SPATA16: variants seen among roughly 807,000 people sequenced by gnomAD.
The protein encoded by SPATA16 is spermatogenesis associated 16, also known as spermatogenesis-associated protein 16.
SPATA16 carries 36 observed loss-of-function variants against 63.3 expected under a neutral mutation model. That is an observed-to-expected ratio of 0.57 (90% CI 0.44 to 0.75). SPATA16 has a LOEUF of 0.75. SPATA16 is among the 30% of genes least tolerant of loss of function. SPATA16 has a pLI of 0.00. For synonymous variants in SPATA16, 203 were observed against 216.7 expected, an observed-to-expected ratio of 0.94 and a Z score of 0.56; for missense variants, 646 against 679.3, an observed-to-expected ratio of 0.95 and a Z score of 0.54.
At chr3:172,966,130 C>T (rs1251039320) in intron 5 of SPATA16, among the ~76,000 whole-genome samples, 1 of 152,064 alleles carries the variant, frequency 6.6e-6, no homozygotes, top group African/African-American at 2.4e-5. Flanking sequence ...ACATTATATA[C>T]CTATATATGT....
intron 1 of SPATA16, among the ~76,000 whole-genome samples, chr3:173,126,936 A>G (rs775001294): frequency 1.4e-4 from 22 of 152,360 alleles, no homozygotes; most frequent in Non-Finnish European, 2.6e-4. Context: ...ATTAATGGAC[A>G]GTAATATGAA....
intron 2 of SPATA16, among the ~76,000 whole-genome samples, chr3:173,067,714 C>CAG (rs71635756): frequency 0.42 from 63,932 of 151,734 alleles, 14,728 homozygotes; most frequent in African/African-American, 0.62. Flanking sequence ...GGAATAATAA[C>CAG]AGAACTTTCC....
chr3:173,105,181 A>G (rs970108936), intron 2 of SPATA16, among the ~76,000 whole-genome samples: 1 of 152,220 alleles, frequency 6.6e-6, no homozygotes, highest in Non-Finnish European at 1.5e-5. Context: ...AAAATTTTGC[A>G]GTAAAAATTA....
intron 1 of SPATA16, among the ~76,000 whole-genome samples, chr3:173,126,271 G>A (rs1738225503): frequency 1.3e-5 from 2 of 152,126 alleles, no homozygotes; most frequent in South Asian, 2.1e-4. Context: ...TGGTCCATGA[G>A]GACTCAATTG....
intron 10 of SPATA16, among the ~76,000 whole-genome samples, chr3:172,891,196 T>C (rs1731888706): frequency 6.6e-6 from 1 of 152,158 alleles, no homozygotes; most frequent in Non-Finnish European, 1.5e-5. Flanking sequence ...ATATTTGCAA[T>C]TAGCCCAAAT....
intron 8 of SPATA16, among the ~76,000 whole-genome samples, chr3:172,918,542 A>G (rs1276335297): frequency 6.6e-6 from 1 of 152,152 alleles, no homozygotes; most frequent in African/African-American, 2.4e-5. Context: ...TATTTTACCT[A>G]TCCAAGATAG....
At chr3:173,053,873 C>A (rs919747791) in intron 2 of SPATA16, among the ~76,000 whole-genome samples, 2 of 151,998 alleles carry the variant, frequency 1.3e-5, no homozygotes, top group African/African-American at 2.4e-5. Context: ...ATAAAAAAAT[C>A]TAAAGATGGG....
chr3:173,120,305 A>G (rs1222105605), intron 1 of SPATA16, among the ~76,000 whole-genome samples: 1 of 152,010 alleles, frequency 6.6e-6, no homozygotes, highest in African/African-American at 2.4e-5. Context: ...TTGAATGAAC[A>G]CTCCGGCTAT....
At chr3:173,093,897 C>G (rs1289899605) in intron 2 of SPATA16, among the ~76,000 whole-genome samples, 2 of 152,084 alleles carry the variant, frequency 1.3e-5, no homozygotes, top group African/African-American at 4.8e-5. Flanking sequence ...TTCCATTTCT[C>G]TTTTTATCTT....
At chr3:172,975,013 A>G (rs1379659948) in intron 5 of SPATA16, among the ~76,000 whole-genome samples, 1 of 152,138 alleles carries the variant, frequency 6.6e-6, no homozygotes. Context: ...TAAAATATTC[A>G]TTTTATTTCT....
At chr3:172,936,080 T>C (rs1732987019) in intron 6 of SPATA16, among the ~76,000 whole-genome samples, 1 of 152,156 alleles carries the variant, frequency 6.6e-6, no homozygotes, top group African/African-American at 2.4e-5. Flanking sequence ...TAGAAAGATA[T>C]TTGGTCTTTC....
chr3:173,068,229 CAT>C (rs1220937916), intron 2 of SPATA16, among the ~76,000 whole-genome samples: 10 of 152,156 alleles, frequency 6.6e-5, no homozygotes, highest in Admixed American at 3.9e-4. Context: ...TTAAACCACT[CAT>C]ATCTTTAGTA....
chr3:173,025,011 A>G (rs1056992800), intron 3 of SPATA16, among the ~76,000 whole-genome samples: 1 of 150,864 alleles, frequency 6.6e-6, no homozygotes, highest in African/African-American at 2.4e-5. Flanking sequence ...ATTCCTCTTT[A>G]AAGAATTATT....
At chr3:172,982,176 A>C (rs568051847) in intron 4 of SPATA16, among the ~76,000 whole-genome samples, 1 of 152,360 alleles carries the variant, frequency 6.6e-6, no homozygotes, top group Admixed American at 6.5e-5. Context: ...GCCTGAGACT[A>C]ACAGAATTAC....
At chr3:173,014,082 G>T (rs1343353340) in intron 4 of SPATA16, among the ~76,000 whole-genome samples, 2 of 152,096 alleles carry the variant, frequency 1.3e-5, no homozygotes, top group Non-Finnish European at 2.9e-5. Context: ...CCACTTCTTG[G>T]TGTATACCCA....
chr3:173,130,358 C>CA (rs1202660573), intron 1 of SPATA16, among the ~76,000 whole-genome samples: 1,956 of 38,922 alleles, frequency 0.05, 78 homozygotes, highest in Non-Finnish European at 0.059. Flanking sequence ...GACTTCGTCT[C>CA]AAAAAAAAAA....
chr3:172,952,708 A>C (rs1399622183), intron 6 of SPATA16, among the ~76,000 whole-genome samples: 3 of 152,092 alleles, frequency 2.0e-5, no homozygotes, highest in Admixed American at 2.0e-4. Flanking sequence ...TTGGGAGGCC[A>C]AGGTGGGTGG....
intron 4 of SPATA16, among the ~76,000 whole-genome samples, chr3:172,982,011 A>G (rs1734331917): frequency 6.6e-6 from 1 of 152,236 alleles, no homozygotes; most frequent in Non-Finnish European, 1.5e-5. Context: ...CCCCAAGGGC[A>G]GAGATTTTTG....
chr3:173,003,377 G>A (rs964407006), intron 4 of SPATA16, among the ~76,000 whole-genome samples: 2 of 152,090 alleles, frequency 1.3e-5, no homozygotes, highest in Non-Finnish European at 2.9e-5. Context: ...TTTCAAACTC[G>A]ATGAAATGAA....
Sources: allele counts gnomAD v4.1 joint callset (sites outside exome capture counted in the v4.1 genomes callset), GRCh38; gene constraint gnomAD v4.1.1; transcripts MANE v1.5; gene names NCBI Gene and HGNC (gene_info 2026-07-23, HGNC 2026-07-21).